Variants in ACOT7 observed in about 807,000 individuals in gnomAD.
The protein encoded by ACOT7 is acyl-CoA thioesterase 7.
Under a neutral mutation model 40.2 loss-of-function variants are expected in ACOT7, and 12 were observed. That is an observed-to-expected ratio of 0.30 (90% CI 0.19 to 0.48). ACOT7 has a LOEUF of 0.48. Among genes scored for constraint, ACOT7 ranks in the 20% least tolerant of loss-of-function variants. The pLI is 0.99. For synonymous variants in ACOT7, 228 were observed against 219.5 expected, an observed-to-expected ratio of 1.04 and a Z score of -0.34; for missense variants, 395 against 530.8, an observed-to-expected ratio of 0.74 and a Z score of 2.51.
intron 1 of ACOT7, among the ~76,000 whole-genome samples, chr1:6,389,645 G>A (rs1288605638): frequency 3.9e-5 from 6 of 151,920 alleles, no homozygotes; most frequent in Admixed American, 2.0e-4. Flanking sequence ...TTAGCTGGGC[G>A]TGGTGGCGGG....
intron 4 of ACOT7, among the ~76,000 whole-genome samples, chr1:6,329,914 C>T (rs977549947): frequency 2.0e-5 from 3 of 152,150 alleles, no homozygotes; most frequent in African/African-American, 4.8e-5. Flanking sequence ...ACAGGCCCAC[C>T]GAGGTTCCCT....
At chr1:6,277,491 A>G (rs2148374018) in intron 8 of ACOT7, among the ~76,000 whole-genome samples, 1 of 152,256 alleles carries the variant, frequency 6.6e-6, no homozygotes, top group South Asian at 2.1e-4. Context: ...TTACGCCCAT[A>G]TGCGTGAGCC....
intron 1 of ACOT7, among the ~76,000 whole-genome samples, chr1:6,390,742 C>G (rs1052300953): frequency 6.6e-6 from 1 of 151,386 alleles, no homozygotes; most frequent in African/African-American, 2.4e-5. Flanking sequence ...TCAAGACCAG[C>G]CTGGCCAACA....
chr1:6,316,040 G>T (rs1442188054), intron 6 of ACOT7, among the ~76,000 whole-genome samples: 1 of 152,140 alleles, frequency 6.6e-6, no homozygotes, highest in Non-Finnish European at 1.5e-5. Context: ...TGGGCTTAAG[G>T]GTGTGGACTT....
chr1:6,318,607 A>G, intron 5 of ACOT7, 29 bp from the exon 6 acceptor site: 2 of 1,607,844 alleles, frequency 1.2e-6, no homozygotes, highest in Non-Finnish European at 1.7e-6. Flanking sequence ...GAGATTAGTT[A>G]TGGGGTAGGC....
rs898644388 is a variant in ACOT7, at chr1:6,299,674, G to C, written c.713-4694C>G. Among the ~76,000 whole-genome samples the C allele has an allele frequency of 2.0e-5, 3 of 152,104 alleles. No homozygotes were observed. Among genetic ancestry groups the C allele is most frequent in the Non-Finnish European group, 4.4e-5 (3 of 68,010 alleles). On this transcript the variant is annotated intron_variant, in intron 6 of 8. Coordinates refer to ENST00000361521, the MANE Select transcript of ACOT7 (RefSeq NM_007274.4). This position sits in a 1 kb window ranked among gnomAD's most constrained non-coding sequence, Gnocchi z 4.1. ...AGAGAGAGAGAGCGCAAGTGTGTGT[G>C]TGTGTGTGTGTGTGTGTAGGGCACG...
chr1:6,326,499 G>A (rs977361620), intron 5 of ACOT7, among the ~76,000 whole-genome samples: 3 of 152,226 alleles, frequency 2.0e-5, no homozygotes, highest in Admixed American at 6.5e-5. Flanking sequence ...AACTGGGCAT[G>A]CCACAGAGCC....
intron 6 of ACOT7, among the ~76,000 whole-genome samples, chr1:6,298,074 T>C (rs1639862691): frequency 6.6e-6 from 1 of 152,154 alleles, no homozygotes; most frequent in South Asian, 2.1e-4. Context: ...CTTTCGCCTG[T>C]CCTTTCAAAC....
rs189931897 is a variant in ACOT7, at chr1:6,310,301, G to A, written c.712+8191C>T. 8.7e-4 allele frequency among the ~76,000 whole-genome samples: 133 copies of A among 152,352 alleles called. 2 individuals are homozygous for A. The highest frequency in any genetic ancestry group is 3.1e-3 in the African/African-American group (128 of 41,586). On this transcript the variant is annotated intron_variant, in intron 6 of 8. Coordinates refer to ENST00000361521, the MANE Select transcript of ACOT7 (RefSeq NM_007274.4). ...CACTCAGGGGCAGGTGAAAGAGGAG[G>A]AGGCAGAGCCTCCAGAGAGCCCCAG...
In ACOT7 at chr1:6,271,994, C is replaced by T. The variant is rs192892049; in HGVS notation, c.1015-7299G>A. Among the ~76,000 whole-genome samples, 1,016 of 152,390 alleles carry T rather than the reference C, an allele frequency of 6.7e-3. 7 individuals are homozygous for T. Among genetic ancestry groups the T allele is most frequent in the Non-Finnish European group, 0.011 (722 of 68,040 alleles). ...CGGAGTGCCGTGGTCCCGGGACGCTCGGCTCACAGCTCTTGTGCCGGAGTG... is the reference window on the plus strand; with the variant it reads ...CGGAGTGCCGTGGTCCCGGGACGCTTGGCTCACAGCTCTTGTGCCGGAGTG... On this transcript the variant is annotated intron_variant, in intron 8 of 8. Transcript: ENST00000361521.
At chr1:6,378,492 G>C (rs1009094063) in intron 1 of ACOT7, among the ~76,000 whole-genome samples, 5 of 151,924 alleles carry the variant, frequency 3.3e-5, no homozygotes, top group Admixed American at 2.6e-4. Flanking sequence ...TCCTGAATCA[G>C]GGACTTGGTT....
chr1:6,290,345 CG>C (rs1009431381), intron 7 of ACOT7, among the ~76,000 whole-genome samples: 1 of 152,190 alleles, frequency 6.6e-6, no homozygotes, highest in African/African-American at 2.4e-5. Context: ...TGACTGGCAA[CG>C]GGTCTCAACT....
At chr1:6,343,296 T>A (rs1641326521) in intron 2 of ACOT7, among the ~76,000 whole-genome samples, 1 of 152,220 alleles carries the variant, frequency 6.6e-6, no homozygotes, top group African/African-American at 2.4e-5. Flanking sequence ...GAGGACTCAC[T>A]GAGGTGGGGT....
Position 6,264,523 on chromosome 1 carries a change from G to T in ACOT7, c.*74C>A. 1 of 1,437,880 alleles carries T rather than the reference G, an allele frequency of 7.0e-7. No homozygotes were observed. The highest frequency in any genetic ancestry group is 9.4e-7 in the Non-Finnish European group (1 of 1,060,298). The allele number at this position is 1,437,880 out of a possible 1,614,324, so 89.1% of individuals were successfully genotyped here. ...TGTGAATTGGGTTTTTGGCCAAGGG[G>T]GGAACTTCTAAGTGACTGGACACTG... On this transcript the variant is annotated 3_prime_UTR_variant, in exon 9 of 9. Transcript: ENST00000361521.
chr1:6,329,134 T>C (rs1640886766), intron 4 of ACOT7, among the ~76,000 whole-genome samples: 1 of 152,244 alleles, frequency 6.6e-6, no homozygotes, highest in Admixed American at 6.6e-5. Context: ...TGTTAGGCCT[T>C]CTTTCAAAAG....
At chr1:6,300,813 G>A (rs116865969) in intron 6 of ACOT7, among the ~76,000 whole-genome samples, 172 of 149,300 alleles carry the variant, frequency 1.2e-3, no homozygotes, top group South Asian at 5.5e-3. Context: ...ATCCTGATGC[G>A]CGGCCGGTCC....
chr1:6,365,789 T>C (rs75274774), intron 1 of ACOT7, among the ~76,000 whole-genome samples: 1 of 151,474 alleles, frequency 6.6e-6, no homozygotes, highest in East Asian at 1.9e-4. Flanking sequence ...AAAAATTTAT[T>C]GCTAAAAAAT....
Position 6,289,224 on chromosome 1 carries a change from C to T in ACOT7, c.829+5640G>A, listed in dbSNP as rs1195470893. ...AAGCGATTCTCCTACCTCAGCCCCCCGAGTAGCTGGGATTACAGGCGCCTG... is the reference window on the plus strand; with the variant it reads ...AAGCGATTCTCCTACCTCAGCCCCCTGAGTAGCTGGGATTACAGGCGCCTG... On this transcript the variant is annotated intron_variant, in intron 7 of 8. Transcript: ENST00000361521. The surrounding 1 kb of genome is among the most constrained non-coding windows in gnomAD (Gnocchi z 4.6). Among the ~76,000 whole-genome samples, 23 of 152,136 alleles carry T rather than the reference C, an allele frequency of 1.5e-4. No individual in the cohort carries two copies. Among genetic ancestry groups the T allele is most frequent in the Admixed American group, 1.1e-3 (17 of 15,280 alleles).
chr1:6,339,689 C>CA (rs1308016396), intron 2 of ACOT7, 100 bp from the exon 3 acceptor site: 14 of 1,392,834 alleles, frequency 1.0e-5, no homozygotes, highest in Non-Finnish European at 1.3e-5. Flanking sequence ...CCTTTGCTTT[C>CA]ATTCCCCACT....
Sources: gnomAD v4.1 joint callset for allele counts (sites outside exome capture counted in the v4.1 genomes callset) on GRCh38, gnomAD v4.1.1 for gene constraint, Gnocchi (gnomAD v3.1) non-coding constraint, MANE v1.5 for transcripts, NCBI Gene and HGNC (gene_info 2026-07-23, HGNC 2026-07-21) for gene names.